The following STX8 variants were observed in gnomAD, a reference collection of about 807,000 sequenced individuals.
The protein encoded by STX8 is syntaxin-8.
STX8 carries 23 observed loss-of-function variants against 37.5 expected under a neutral mutation model. The ratio of observed to expected loss-of-function variants is 0.61; its 90% confidence interval spans 0.44 to 0.87. The LOEUF (loss-of-function observed/expected upper bound fraction) is 0.87, where lower values mean the gene tolerates loss of function less well. Ranked by LOEUF, STX8 falls within the 40% of genes least tolerant of loss-of-function variation. The probability of loss-of-function intolerance (pLI) is 0.00; values close to 1 mark genes in which losing one functional copy is unlikely to be tolerated. For missense variants in STX8, 313 were observed against 284.7 expected, an observed-to-expected ratio of 1.10 and a Z score of -0.71; for synonymous variants, 115 against 99.1, an observed-to-expected ratio of 1.16 and a Z score of -0.95.
rs566619083 is a variant in STX8 at position 9,533,755 on chromosome 17, G to A, written c.323+11417C>T. ...TTCTTCAAGAAACTTCAAGAACAGC[G>A]TTGCTATTGCTTAGGGAGTTGCAGA... On this transcript the variant is annotated intron_variant, in intron 4 of 7. Coordinates refer to ENST00000306357, the MANE Select transcript of STX8 (RefSeq NM_004853.3). Among the ~76,000 whole-genome samples, 6 of 152,320 alleles carry A rather than the reference G, an allele frequency of 3.9e-5. No homozygotes were observed. The South Asian group carries it at 6.2e-4, about 16-fold the overall frequency.
chr17:9,486,836 G>A (rs1401245762), intron 6 of STX8, among the ~76,000 whole-genome samples: 1 of 152,204 alleles, frequency 6.6e-6, no homozygotes. Context: ...TCCAGCTTGG[G>A]CAACAGAGTG....
intron 7 of STX8, among the ~76,000 whole-genome samples, chr17:9,341,807 A>C (rs2142232725): frequency 6.6e-6 from 1 of 152,336 alleles, no homozygotes; most frequent in Middle Eastern, 3.4e-3. Flanking sequence ...CCACTGTGTG[A>C]GCAAATGCTG....
intron 4 of STX8, among the ~76,000 whole-genome samples, chr17:9,532,171 A>T (rs1471929099): frequency 2.0e-5 from 3 of 152,086 alleles, no homozygotes; most frequent in Non-Finnish European, 4.4e-5. Flanking sequence ...GGGAAAAAAA[A>T]AAAAATCCGG....
intron 7 of STX8, among the ~76,000 whole-genome samples, chr17:9,372,484 A>G (rs1057010103): frequency 2.0e-5 from 3 of 151,852 alleles, no homozygotes; most frequent in Non-Finnish European, 4.4e-5. Flanking sequence ...TTTATTTATT[A>G]ATTTTTTTTC....
chr17:9,547,931 C>A (rs1032956358), intron 3 of STX8, among the ~76,000 whole-genome samples: 8 of 151,424 alleles, frequency 5.3e-5, no homozygotes, highest in Non-Finnish European at 8.8e-5. Context: ...GCAGGGATTA[C>A]AGGTGTCCAC....
chr17:9,434,282 C>A (rs896165349), intron 6 of STX8, among the ~76,000 whole-genome samples: 4 of 152,204 alleles, frequency 2.6e-5, no homozygotes, highest in African/African-American at 9.6e-5. Flanking sequence ...GGATTACAGG[C>A]GTGAGCCACT....
intron 6 of STX8, among the ~76,000 whole-genome samples, chr17:9,384,589 GA>G (rs138774005): frequency 0.019 from 2,893 of 152,224 alleles, 80 homozygotes; most frequent in African/African-American, 0.065. Flanking sequence ...AGAGAGCCAA[GA>G]AAGGCACCCA....
At chr17:9,453,487 C>CTTTTT (rs1168841037) in intron 6 of STX8, among the ~76,000 whole-genome samples, 28 of 112,236 alleles carry the variant, frequency 2.5e-4, no homozygotes, top group Admixed American at 3.9e-4. Context: ...CACTACTCAT[C>CTTTTT]TTTTTTTTTT....
intron 6 of STX8, among the ~76,000 whole-genome samples, chr17:9,397,333 T>G (rs961154446): frequency 1.3e-5 from 2 of 151,874 alleles, no homozygotes; most frequent in African/African-American, 4.8e-5. Context: ...GAGGGAGAGG[T>G]TGCAGTAAGC....
chr17:9,426,723 C>A (rs1172143006), intron 6 of STX8, among the ~76,000 whole-genome samples: 2 of 152,076 alleles, frequency 1.3e-5, no homozygotes. Flanking sequence ...GGTTGAACCA[C>A]TGCACTCCAG....
intron 3 of STX8, chr17:9,553,177 C>T (rs951441770): frequency 6.6e-6 from 1 of 152,170 alleles, no homozygotes; most frequent in Non-Finnish European, 1.5e-5. Context: ...CAGCATAACC[C>T]TCTTCTCAGC....
intron 6 of STX8, among the ~76,000 whole-genome samples, chr17:9,450,734 A>G (rs1243132431): frequency 6.6e-6 from 1 of 152,060 alleles, no homozygotes; most frequent in Admixed American, 6.6e-5. Context: ...GGTAGGACTC[A>G]TTGATCAATT....
At chr17:9,362,840 A>AAAAAATAAATAAAT (rs1555601151) in intron 7 of STX8, among the ~76,000 whole-genome samples, 1 of 115,444 alleles carries the variant, frequency 8.7e-6, no homozygotes, top group African/African-American at 3.0e-5. Flanking sequence ...AAAAAAAAAA[A>AAAAAATAAATAAAT]AAATAAATAA....
At chr17:9,515,064 C>A (rs1191064919) in intron 4 of STX8, among the ~76,000 whole-genome samples, 1 of 152,114 alleles carries the variant, frequency 6.6e-6, no homozygotes, top group Non-Finnish European at 1.5e-5. Flanking sequence ...AGAATATAGA[C>A]AAATGGACCA....
At chr17:9,558,979 T>G (rs1210321884) in intron 2 of STX8, among the ~76,000 whole-genome samples, 2 of 152,146 alleles carry the variant, frequency 1.3e-5, no homozygotes, top group Non-Finnish European at 2.9e-5. Flanking sequence ...AAATCTCTAT[T>G]TGTTCACATA....
chr17:9,390,250 A>G (rs74966370), intron 6 of STX8, among the ~76,000 whole-genome samples: 1 of 152,062 alleles, frequency 6.6e-6, no homozygotes. Context: ...GTCTGGACGC[A>G]GTGGCTCAGG....
intron 7 of STX8, among the ~76,000 whole-genome samples, chr17:9,263,215 A>T (rs1302802573): frequency 6.6e-6 from 1 of 151,316 alleles, no homozygotes; most frequent in East Asian, 2.0e-4. Context: ...GGTGGCTCAC[A>T]CCTGTAATCC....
intron 6 of STX8, among the ~76,000 whole-genome samples, chr17:9,382,878 A>G (rs946386318): frequency 1.3e-5 from 2 of 152,256 alleles, no homozygotes; most frequent in Admixed American, 1.3e-4. Context: ...CAACTGCTAT[A>G]GACTGGATGT....
intron 6 of STX8, among the ~76,000 whole-genome samples, chr17:9,445,566 G>A (rs956252821): frequency 1.4e-5 from 2 of 147,116 alleles, no homozygotes; most frequent in African/African-American, 2.5e-5. Flanking sequence ...AAAACACCAC[G>A]CAAGCGGGGA....
Sources: gnomAD v4.1 joint callset for allele counts (sites outside exome capture counted in the v4.1 genomes callset) on GRCh38, gnomAD v4.1.1 for gene constraint, MANE v1.5 for transcripts, NCBI Gene and HGNC (gene_info 2026-07-23, HGNC 2026-07-21) for gene names.